Variants in TRPV2 observed in about 807,000 individuals in gnomAD.
The protein encoded by TRPV2 is OTRPC2.
A neutral mutation model predicts 91.0 loss-of-function variants in TRPV2; 58 were observed. The observed-to-expected ratio is 0.64, with a 90% CI of 0.52 to 0.79. The LOEUF is 0.79. TRPV2 is among the 30% of genes least tolerant of loss of function. The pLI, the probability that TRPV2 is intolerant of heterozygous loss-of-function variation, is 0.00. For synonymous variants in TRPV2, 417 were observed against 414.8 expected (o/e 1.01, Z -0.06); for missense variants, 807 against 969.6 (o/e 0.83, Z 2.23).
chr17:16,427,082 T>C (rs996088433), intron 7 of TRPV2, among the ~76,000 whole-genome samples: 1 of 152,212 alleles, frequency 6.6e-6, no homozygotes, highest in African/African-American at 2.4e-5. Flanking sequence ...TTCTAGGTGA[T>C]GGACATGTGT....
Position 16,417,548 on chromosome 17 carries a change from A to G in TRPV2, c.-107-14A>G, listed in dbSNP as rs1257204448. 6 of 1,061,888 alleles carry G rather than the reference A, an allele frequency of 5.7e-6. No individual in the cohort carries two copies. The highest frequency in any genetic ancestry group is 8.3e-6 in the Non-Finnish European group (6 of 721,630). 65.8% of individuals were successfully genotyped at this position (1,061,888 alleles called of 1,614,324 possible). On this transcript the variant is annotated splice_polypyrimidine_tract_variant and intron_variant, in intron 1 of 14. Coordinates refer to ENST00000338560, the MANE Select transcript of TRPV2 (RefSeq NM_016113.5). ...GCCCAGCCTTTTGCACTAACCTAAT[A>G]CCTCCTTTTGCAGGCTCCAGTCAGG...
chr17:16,426,727 A>G lies in TRPV2; in HGVS notation c.1101A>G (p.Arg367=). The change falls in exon 7 of 15, where the codon CGA becomes CGG. Residue 367 remains arginine, a synonymous_variant. Transcript: ENST00000338560. This position sits in a 1 kb window ranked among gnomAD's most constrained non-coding sequence, Gnocchi z 6.0. ...IIAFHCKSPH[R]HRMVVLEPLN... Reference sequence around the variant, plus strand: ...CTCTCCCCTCCCCACCCCAGCACCGACACCGAATGGTCGTTTTGGAGCCCC... The same window carrying G: ...CTCTCCCCTCCCCACCCCAGCACCGGCACCGAATGGTCGTTTTGGAGCCCC... The G allele has an allele frequency of 6.2e-7, 1 of 1,613,288 alleles. No homozygotes were observed. Among genetic ancestry groups the G allele is most frequent in the Non-Finnish European group, 8.5e-7 (1 of 1,179,616 alleles).
At chr17:16,431,464 A>G (rs192520599) in intron 10 of TRPV2, among the ~76,000 whole-genome samples, 189 of 151,004 alleles carry the variant, frequency 1.3e-3, no homozygotes, top group Middle Eastern at 3.4e-3. Context: ...CACCTGGCTA[A>G]TTTTTTGTAT....
At position 16,422,748 on chromosome 17, in the gene TRPV2, C is replaced by A. The variant is rs1185797430; in HGVS notation, c.484C>A (p.Arg162=). Residue 162 remains arginine, a synonymous_variant, in exon 4 of 15, where the codon CGA becomes AGA. Transcript: ENST00000338560. ...TGCCCAGTGCACAGATGACTATTAC[C>A]GAGGCCACAGCGCTCTGCACATCGC... ...VNAQCTDDYY[R]GHSALHIAIE... The A allele has an allele frequency of 6.3e-7, 1 of 1,587,174 alleles. No homozygotes were observed. The highest frequency in any genetic ancestry group is 2.3e-5 in the East Asian group (1 of 43,386).
At chr17:16,425,672 C>T (rs753327507) in intron 5 of TRPV2, among the ~76,000 whole-genome samples, 18 of 152,168 alleles carry the variant, frequency 1.2e-4, no homozygotes, top group African/African-American at 4.1e-4. Context: ...CCATTCCTCA[C>T]GCGTGAAACC....
At chr17:16,419,031 A>G (rs76223658) in intron 2 of TRPV2, among the ~76,000 whole-genome samples, 1 of 147,136 alleles carries the variant, frequency 6.8e-6, no homozygotes, top group African/African-American at 2.5e-5. Flanking sequence ...TCTGTCTCCA[A>G]AAAAAAAAAA....
At position 16,431,851 on chromosome 17, in the gene TRPV2, G is replaced by A. The variant is rs780683461; in HGVS notation, c.1654+1G>A. On this transcript the variant is annotated splice_donor_variant, in intron 11 of 14. Coordinates refer to ENST00000338560, the MANE Select transcript of TRPV2 (RefSeq NM_016113.5). LOFTEE classifies it high-confidence loss of function. Reference sequence around the variant, plus strand: ...GTCTTCCTTTTCGGCTTCGCTGTAGGTAAAGGCTCCCTCCGGCCCCCTCCC... The same window carrying A: ...GTCTTCCTTTTCGGCTTCGCTGTAGATAAAGGCTCCCTCCGGCCCCCTCCC... The A allele has an allele frequency of 6.2e-7, 1 of 1,614,108 alleles. No individual in the cohort carries two copies.
chr17:16,434,195 G>A (rs8074864), intron 13 of TRPV2, among the ~76,000 whole-genome samples: 54,982 of 152,048 alleles, frequency 0.36, 10,247 homozygotes, highest in Non-Finnish European at 0.38. Flanking sequence ...TCGGCCGGGT[G>A]CAGTGGCTCA....
chr17:16,428,150 A>G (rs2093392893), intron 8 of TRPV2, among the ~76,000 whole-genome samples, 167 bp from the exon 9 acceptor site: 1 of 152,178 alleles, frequency 6.6e-6, no homozygotes, highest in East Asian at 1.9e-4. Context: ...CTCTTTCTGG[A>G]AAGAAAGTCC....
rs2093389550 is a variant in TRPV2 at position 16,427,548 on chromosome 17, G to A, written c.1350+1G>A. 3 of 1,609,748 alleles carry A rather than the reference G, an allele frequency of 1.9e-6. No individual in the cohort carries two copies. Among genetic ancestry groups the A allele is most frequent in the Non-Finnish European group, 1.7e-6 (2 of 1,177,302 alleles). ...GGGGATCTACCTCCTCGTGGGCCAG[G>A]TGAGTGCCCCTCCCCTTCTCCTACC... On this transcript the variant is annotated splice_donor_variant, in intron 8 of 14. Coordinates refer to ENST00000338560, the MANE Select transcript of TRPV2 (RefSeq NM_016113.5). LOFTEE classifies it high-confidence loss of function.
chr17:16,420,339 G>T, intron 3 of TRPV2, 91 bp downstream of exon 3: 1 of 1,470,926 alleles, frequency 6.8e-7, no homozygotes. Flanking sequence ...CAGGAGCTGA[G>T]GAGTGAGTGT....
rs553598109 is a variant in TRPV2, at chr17:16,429,717, G to A, written c.1587+735G>A. ...TGGGGTGCTTGGGACAGGGTGAGGA[G>A]GCTAGGTGGCTGGGGAGATGGCAGG... is the stretch of plus-strand genomic sequence containing the variant. On this transcript the variant is annotated intron_variant, in intron 10 of 14. Transcript: ENST00000338560. 4.6e-5 allele frequency among the ~76,000 whole-genome samples: 7 copies of A among 152,246 alleles called. No homozygotes were observed. In the East Asian group the frequency reaches 1.4e-3, roughly 29 times the overall value.
At chr17:16,425,021 CA>C (rs2093376148) in intron 5 of TRPV2, among the ~76,000 whole-genome samples, 4 of 106,512 alleles carry the variant, frequency 3.8e-5, no homozygotes, top group African/African-American at 1.2e-4. Context: ...TTTGCAGCTG[CA>C]TTTTTTTTTT....
rs60066961 is a variant in TRPV2, at chr17:16,431,256, CATATATATAT to C, written c.1588-506_1588-497del. 7.2e-4 allele frequency among the ~76,000 whole-genome samples: 49 copies of C among 67,804 alleles called. 1 individual carries two copies. Among genetic ancestry groups the C allele is most frequent in the African/African-American group, 2.6e-3 (37 of 14,502 alleles). The allele number at this position is 67,804 out of a possible 152,430, so 44.5% of individuals were successfully genotyped here. A position where few individuals can be genotyped will look rare whatever the true frequency, so the allele number is the denominator to read the frequency against. The stretch of plus-strand genomic sequence containing the variant: ...AGCAGGAAAACAATGTGATCTGAGA[CATATATATAT>C]ATATATATATATATATATATACATA... On this transcript the variant is annotated intron_variant, in intron 10 of 14. Coordinates refer to ENST00000338560, the MANE Select transcript of TRPV2 (RefSeq NM_016113.5).
In TRPV2 at chr17:16,433,481, C is replaced by G. The variant is rs1298074949; in HGVS notation, c.1990-93C>G. 11 of 1,531,380 alleles carry G rather than the reference C, an allele frequency of 7.2e-6. No individual in the cohort carries two copies. The African/African-American group carries it at 1.2e-4, about 17-fold the overall frequency. The allele number at this position is 1,531,380 out of a possible 1,614,324, so 94.9% of individuals were successfully genotyped here. On this transcript the variant is annotated intron_variant, in intron 12 of 14. Coordinates refer to ENST00000338560, the MANE Select transcript of TRPV2 (RefSeq NM_016113.5). ...TGACTTCGCGTTATACTGTGAAGTG[C>G]TGCGCGGCACTTCCCTGCTCCGCTT...
At chr17:16,418,792 T>C (rs1441346559) in intron 2 of TRPV2, among the ~76,000 whole-genome samples, 2 of 152,134 alleles carry the variant, frequency 1.3e-5, no homozygotes, top group Admixed American at 6.5e-5. Flanking sequence ...TTTGTCCAAA[T>C]GGCCACTTCT....
intron 13 of TRPV2, among the ~76,000 whole-genome samples, chr17:16,434,099 G>C (rs1048597495): frequency 2.0e-5 from 3 of 152,114 alleles, no homozygotes; most frequent in Non-Finnish European, 4.4e-5. Context: ...CCCTTCCATG[G>C]AGAACATGCC....
intron 12 of TRPV2, among the ~76,000 whole-genome samples, chr17:16,432,798 A>C (rs955523803): frequency 1.1e-4 from 16 of 147,124 alleles, no homozygotes; most frequent in African/African-American, 4.1e-4. Flanking sequence ...ATTGCTGTCC[A>C]GTGTTTCTTT....
chr17:16,434,467 CAAAAAAA>C (rs10634588), intron 13 of TRPV2, among the ~76,000 whole-genome samples: 12 of 109,738 alleles, frequency 1.1e-4, no homozygotes, highest in Admixed American at 9.9e-4. Context: ...GACTCCATCT[CAAAAAAA>C]AAAAAAAAAA....
Sources: allele counts gnomAD v4.1 joint callset (sites outside exome capture counted in the v4.1 genomes callset), GRCh38; gene constraint gnomAD v4.1.1; non-coding constraint Gnocchi (gnomAD v3.1); transcripts MANE v1.5; gene names NCBI Gene and HGNC (gene_info 2026-07-23, HGNC 2026-07-21).